The following RANBP2 variants were observed in gnomAD, a reference collection of about 807,000 sequenced individuals.
RANBP2 encodes RAN binding protein 2.
RANBP2 carries 57 observed loss-of-function variants against 303.6 expected under a neutral mutation model. The ratio of observed to expected loss-of-function variants is 0.19; its 90% CI spans 0.15 to 0.23. The LOEUF (loss-of-function observed/expected upper bound fraction) is 0.23, where lower values mean the gene tolerates loss of function less well. RANBP2 is among the 10% of genes least tolerant of loss of function. RANBP2 has a pLI of 1.00. For synonymous variants in RANBP2, 1,167 were observed against 1,301.5 expected (o/e 0.90, Z 2.23); for missense variants, 3,138 against 3,780.8 (o/e 0.83, Z 4.46).
At chr2:108,762,633 G>T (rs1676807174) in intron 19 of RANBP2, among the ~76,000 whole-genome samples, 1 of 128,682 alleles carries the variant, frequency 7.8e-6, no homozygotes, top group Non-Finnish European at 1.6e-5. Flanking sequence ...TTGACCACAG[G>T]CAAGTTTCTT....
the RANBP2 span, among the ~76,000 whole-genome samples, chr2:109,046,391 T>TTTTTC: frequency 7.0e-4 from 106 of 150,908 alleles, no homozygotes; most frequent in Non-Finnish European, 9.2e-4. Context: ...AAACTTACTT[T>TTTTTC]TTTTCTTTTC....
At chr2:108,866,436 CT>C in the RANBP2 span, among the ~76,000 whole-genome samples, 1 of 152,200 alleles carries the variant, frequency 6.6e-6, no homozygotes, top group South Asian at 2.1e-4. Flanking sequence ...CCACACTAGT[CT>C]TTCATTTTTC....
chr2:108,847,318 A>G, the RANBP2 span, among the ~76,000 whole-genome samples: 1 of 152,090 alleles, frequency 6.6e-6, no homozygotes, highest in African/African-American at 2.4e-5. Context: ...TCCCACAACC[A>G]TGCTCATTTG....
At chr2:109,405,449 C>G in the RANBP2 span, among the ~76,000 whole-genome samples, 1 of 152,158 alleles carries the variant, frequency 6.6e-6, no homozygotes, top group Admixed American at 6.5e-5. Context: ...CTCTCCAGCT[C>G]CCGGCAGCAC....
chr2:109,060,086 G>A, the RANBP2 span, among the ~76,000 whole-genome samples: 1 of 152,114 alleles, frequency 6.6e-6, no homozygotes, highest in Non-Finnish European at 1.5e-5. Flanking sequence ...TGAGGCATGT[G>A]GAGTAAATAC....
chr2:109,296,571 G>C, the RANBP2 span, among the ~76,000 whole-genome samples: 4 of 152,108 alleles, frequency 2.6e-5, no homozygotes, highest in Admixed American at 6.5e-5. Context: ...GGTCATCAGG[G>C]CATGATTCCT....
the RANBP2 span, among the ~76,000 whole-genome samples, chr2:109,423,581 C>G: frequency 6.6e-6 from 1 of 152,152 alleles, no homozygotes; most frequent in African/African-American, 2.4e-5. Context: ...AGCGTGAGTT[C>G]AAGACAATAA....
the RANBP2 span, among the ~76,000 whole-genome samples, chr2:109,115,659 T>C: frequency 6.6e-6 from 1 of 152,240 alleles, no homozygotes; most frequent in Non-Finnish European, 1.5e-5. Context: ...ATGTGTGAAT[T>C]TGATCCTGTC....
the RANBP2 span, among the ~76,000 whole-genome samples, chr2:109,070,513 T>C: frequency 6.6e-6 from 1 of 152,078 alleles, no homozygotes; most frequent in African/African-American, 2.4e-5. Context: ...TGACATCATC[T>C]TGGTGGTGAG....
chr2:108,897,308 A>AAAT, the RANBP2 span: 2 of 1,360,836 alleles, frequency 1.5e-6, no homozygotes, highest in Non-Finnish European at 2.0e-6. Flanking sequence ...TATTTAAATG[A>AAAT]AATAAAAATT....
the RANBP2 span, among the ~76,000 whole-genome samples, chr2:108,924,037 A>T: frequency 6.6e-6 from 1 of 152,244 alleles, no homozygotes; most frequent in Non-Finnish European, 1.5e-5. Flanking sequence ...TGGCAACACA[A>T]CCAGGTTGTA....
the RANBP2 span, among the ~76,000 whole-genome samples, chr2:109,324,220 A>G: frequency 7.9e-5 from 12 of 152,248 alleles, no homozygotes; most frequent in African/African-American, 2.9e-4. Flanking sequence ...GTGGATGGAC[A>G]TCTGGGATGT....
At chr2:108,908,543 G>A in the RANBP2 span, among the ~76,000 whole-genome samples, 1 of 152,142 alleles carries the variant, frequency 6.6e-6, no homozygotes, top group African/African-American at 2.4e-5. Context: ...TGACCTGGCT[G>A]ACCTGTGTGC....
At chr2:109,409,324 T>C in the RANBP2 span, among the ~76,000 whole-genome samples, 8 of 152,064 alleles carry the variant, frequency 5.3e-5, no homozygotes, top group Admixed American at 5.2e-4. Context: ...AGATAGTAAA[T>C]AATCTAGACT....
chr2:108,722,907 A>G (rs1468594280), intron 1 of RANBP2, among the ~76,000 whole-genome samples: 1 of 135,196 alleles, frequency 7.4e-6, no homozygotes, highest in East Asian at 2.0e-4. Context: ...AGAAAAAAAG[A>G]AAAAAAAATA....
chr2:108,794,264 A>T, the RANBP2 span, among the ~76,000 whole-genome samples: 1 of 152,258 alleles, frequency 6.6e-6, no homozygotes, highest in South Asian at 2.1e-4. Flanking sequence ...TTTCTTGGCA[A>T]TTAGTGTCTT....
the RANBP2 span, among the ~76,000 whole-genome samples, chr2:109,080,550 A>T: frequency 6.6e-6 from 1 of 152,124 alleles, no homozygotes; most frequent in Admixed American, 6.5e-5. Context: ...TCTCACTGTC[A>T]CCCAGGATTG....
At chr2:109,325,388 C>CTGGAGTACAG in the RANBP2 span, among the ~76,000 whole-genome samples, 1 of 118,616 alleles carries the variant, frequency 8.4e-6, no homozygotes, top group African/African-American at 3.4e-5. Context: ...GTCACTCAGG[C>CTGGAGTACAG]TGGAGTACAG....
the RANBP2 span, among the ~76,000 whole-genome samples, chr2:108,828,998 C>G: frequency 6.6e-6 from 1 of 151,918 alleles, no homozygotes; most frequent in African/African-American, 2.4e-5. Context: ...AAATTTAACT[C>G]AAAATGGGTC....
Sources: allele counts gnomAD v4.1 joint callset (sites outside exome capture counted in the v4.1 genomes callset), GRCh38; gene constraint gnomAD v4.1.1; transcripts MANE v1.5; gene names NCBI Gene and HGNC (gene_info 2026-07-23, HGNC 2026-07-21).